The following SEMA5A variants were observed in gnomAD, a reference collection of about 807,000 sequenced individuals.
The protein encoded by SEMA5A is semaphorin 5A.
SEMA5A carries 55 observed loss-of-function variants against 135.5 expected under a neutral mutation model. The ratio of observed to expected loss-of-function variants is 0.41; its 90% CI spans 0.33 to 0.51. The LOEUF is 0.51. Among genes scored for constraint, SEMA5A ranks in the 20% least tolerant of loss-of-function variants. The pLI is 0.37. For synonymous variants in SEMA5A, 580 were observed against 546.5 expected (o/e 1.06, Z -0.85); for missense variants, 1,290 against 1,419.9 (o/e 0.91, Z 1.47).
At chr5:9,249,778 G>C (rs1748678552) in intron 5 of SEMA5A, among the ~76,000 whole-genome samples, 1 of 152,102 alleles carries the variant, frequency 6.6e-6, no homozygotes, top group Non-Finnish European at 1.5e-5. Flanking sequence ...GGCTTGAGCT[G>C]GATCTTGAAG....
At position 9,386,706 on chromosome 5, in the gene SEMA5A, T is replaced by C. The variant is rs76621448; in HGVS notation, c.-77-6683A>G. ...ACTGCTTCCACGTGAAAGGTTGCCTTGGAGAGACCCAGACCTTTTGTTTCT... is the reference window on the plus strand; with the variant it reads ...ACTGCTTCCACGTGAAAGGTTGCCTCGGAGAGACCCAGACCTTTTGTTTCT... On this transcript the variant is annotated intron_variant, in intron 2 of 22. Coordinates refer to ENST00000382496, the MANE Select transcript of SEMA5A (RefSeq NM_003966.3). Among the ~76,000 whole-genome samples the C allele has an allele frequency of 8.3e-3, 1,257 of 152,330 alleles. 23 individuals carry two copies. The highest frequency in any genetic ancestry group is 0.029 in the African/African-American group (1,201 of 41,572).
chr5:9,172,155 T>C (rs3797931), intron 11 of SEMA5A, among the ~76,000 whole-genome samples: 15,408 of 152,140 alleles, frequency 0.1, 1,319 homozygotes, highest in African/African-American at 0.21. Context: ...GGTGAGTCAC[T>C]GCAGGTCAGC....
intron 8 of SEMA5A, among the ~76,000 whole-genome samples, chr5:9,209,653 G>C (rs997919873): frequency 3.3e-5 from 5 of 152,194 alleles, no homozygotes; most frequent in African/African-American, 1.2e-4. Flanking sequence ...AAGGAAACGT[G>C]CATGATGGCT....
At chr5:9,243,975 T>C (rs1748346770) in intron 5 of SEMA5A, among the ~76,000 whole-genome samples, 3 of 152,200 alleles carry the variant, frequency 2.0e-5, no homozygotes, top group Non-Finnish European at 4.4e-5. Context: ...TCAGTAAATA[T>C]TAATCAAAAA....
At chr5:9,392,997 T>A (rs866646619) in intron 2 of SEMA5A, among the ~76,000 whole-genome samples, 6 of 152,218 alleles carry the variant, frequency 3.9e-5, no homozygotes, top group Non-Finnish European at 7.3e-5. Flanking sequence ...CAGAATTAGC[T>A]TCCCCTAAAG....
chr5:9,206,960 C>T (rs1191778209), intron 8 of SEMA5A, among the ~76,000 whole-genome samples: 2 of 144,706 alleles, frequency 1.4e-5, no homozygotes, highest in Admixed American at 1.4e-4. Context: ...CGTGTACAGG[C>T]ATTTTCCAGC....
intron 2 of SEMA5A, among the ~76,000 whole-genome samples, chr5:9,397,818 C>T (rs1405552452): frequency 6.6e-6 from 1 of 152,184 alleles, no homozygotes. Flanking sequence ...TATACATGGT[C>T]ATGCTTGAAG....
chr5:9,347,176 C>G (rs1034220290), intron 3 of SEMA5A, among the ~76,000 whole-genome samples: 1 of 152,178 alleles, frequency 6.6e-6, no homozygotes, highest in Admixed American at 6.5e-5. Flanking sequence ...AAATATGACA[C>G]TGAAAACACA....
chr5:9,234,727 T>C (rs1041189804), intron 6 of SEMA5A, among the ~76,000 whole-genome samples: 2 of 152,218 alleles, frequency 1.3e-5, no homozygotes, highest in African/African-American at 4.8e-5. Context: ...GCGGTTTGAG[T>C]CAATTAATAA....
At chr5:9,393,922 T>C (rs922880952) in intron 2 of SEMA5A, among the ~76,000 whole-genome samples, 2 of 152,158 alleles carry the variant, frequency 1.3e-5, no homozygotes, top group African/African-American at 2.4e-5. Flanking sequence ...TGGTCTCTTA[T>C]ATCACAGTGA....
At chr5:9,131,607 C>CAAAA (rs1266278269) in intron 13 of SEMA5A, among the ~76,000 whole-genome samples, 1 of 61,162 alleles carries the variant, frequency 1.6e-5, no homozygotes, top group African/African-American at 8.5e-5. Flanking sequence ...GACTCCATCT[C>CAAAA]AAAAAAAAAA....
intron 21 of SEMA5A, among the ~76,000 whole-genome samples, chr5:9,049,811 C>T (rs1313182180): frequency 6.6e-6 from 1 of 152,154 alleles, no homozygotes; most frequent in Non-Finnish European, 1.5e-5. Context: ...CTGTAAAGTC[C>T]AAATTTATCA....
intron 12 of SEMA5A, among the ~76,000 whole-genome samples, chr5:9,146,971 A>G (rs1742370721): frequency 6.6e-6 from 1 of 152,194 alleles, no homozygotes; most frequent in African/African-American, 2.4e-5. Context: ...TATTTGATTA[A>G]TGACCAAATG....
chr5:9,441,686 A>AG (rs1758241469), intron 1 of SEMA5A, among the ~76,000 whole-genome samples: 1 of 152,222 alleles, frequency 6.6e-6, no homozygotes, highest in African/African-American at 2.4e-5. Flanking sequence ...GGTGGATTCC[A>AG]GGTGGCAGGC....
At chr5:9,153,179 T>C (rs75952224) in intron 12 of SEMA5A, among the ~76,000 whole-genome samples, 10,262 of 151,970 alleles carry the variant, frequency 0.068, 387 homozygotes, top group South Asian at 0.15. Context: ...CTGTGTAGGG[T>C]AGATGTCTGT....
chr5:9,056,399 C>T (rs183813391), intron 18 of SEMA5A, among the ~76,000 whole-genome samples: 19 of 152,212 alleles, frequency 1.2e-4, no homozygotes, highest in Middle Eastern at 3.4e-3. Context: ...GCAGCTGCCT[C>T]GGAAAACAAT....
intron 1 of SEMA5A, among the ~76,000 whole-genome samples, chr5:9,475,281 C>T (rs1464361219): frequency 2.6e-5 from 4 of 152,192 alleles, no homozygotes; most frequent in Admixed American, 6.5e-5. Flanking sequence ...TGTGGTCCAC[C>T]GTGTCAAAAT....
At chr5:9,328,858 T>C (rs1752991350) in intron 4 of SEMA5A, among the ~76,000 whole-genome samples, 1 of 151,696 alleles carries the variant, frequency 6.6e-6, no homozygotes, top group African/African-American at 2.4e-5. Flanking sequence ...ACATCTACAC[T>C]CTTGAAAGGC....
rs955694003 is a variant in SEMA5A, at chr5:9,037,492, A to C, written c.*5405T>G. 2 of 152,230 alleles carry C rather than the reference A, an allele frequency of 1.3e-5. No homozygotes were observed. The highest frequency in any genetic ancestry group is 2.4e-5 in the African/African-American group (1 of 41,462). The allele number at this position is 152,230 out of a possible 1,614,324, so 9.4% of individuals were successfully genotyped here. A position where few individuals can be genotyped will look rare whatever the true frequency, so the allele number is the denominator to read the frequency against. On this transcript the variant is annotated 3_prime_UTR_variant, in exon 23 of 23. Transcript: ENST00000382496. ...TGTAACATGTATCAAATTTCTGATA[A>C]TGCAACAGATGACCACTGAGTATAT...
Sources: gnomAD v4.1 joint callset for allele counts (sites outside exome capture counted in the v4.1 genomes callset) on GRCh38, gnomAD v4.1.1 for gene constraint, MANE v1.5 for transcripts, NCBI Gene and HGNC (gene_info 2026-07-23, HGNC 2026-07-21) for gene names.